The following MYCBP2 variants were observed in gnomAD, a reference collection of about 807,000 sequenced individuals.
MYCBP2 encodes the protein E3 ubiquitin-protein ligase MYCBP2.
Under a neutral mutation model 525.3 loss-of-function variants are expected in MYCBP2, and 120 were observed. The observed-to-expected ratio is 0.23, with a 90% CI of 0.20 to 0.27. The LOEUF is 0.27. Ranked by LOEUF, MYCBP2 falls within the 10% of genes least tolerant of loss-of-function variation. The pLI is 1.00. For synonymous variants in MYCBP2, 1,894 were observed against 1,955.8 expected, an observed-to-expected ratio of 0.97 and a Z score of 0.83; for missense variants, 4,149 against 5,657.1, an observed-to-expected ratio of 0.73 and a Z score of 8.55.
At chr13:77,172,870 C>T (rs755095870) in intron 37 of MYCBP2, among the ~76,000 whole-genome samples, 5 of 152,220 alleles carry the variant, frequency 3.3e-5, no homozygotes, top group African/African-American at 9.7e-5. Context: ...GCCTACAAGT[C>T]GCAGTAGCGT....
chr13:77,184,927 T>C (rs1014633091), intron 32 of MYCBP2, among the ~76,000 whole-genome samples, 176 bp downstream of exon 32: 3 of 152,356 alleles, frequency 2.0e-5, no homozygotes, highest in South Asian at 2.1e-4. Flanking sequence ...AACTAAAAGA[T>C]GATGAAGCAG....
intron 43 of MYCBP2, among the ~76,000 whole-genome samples, chr13:77,162,956 A>C (rs996018800): frequency 6.6e-6 from 1 of 152,178 alleles, no homozygotes; most frequent in African/African-American, 2.4e-5. Context: ...TTTTTGTAAT[A>C]TACAGAGTAA....
chr13:77,294,426 G>A (rs2077955420), intron 2 of MYCBP2, among the ~76,000 whole-genome samples: 1 of 151,772 alleles, frequency 6.6e-6, no homozygotes, highest in Non-Finnish European at 1.5e-5. Flanking sequence ...TTACATCACT[G>A]TTATCTCAAA....
intron 52 of MYCBP2, among the ~76,000 whole-genome samples, chr13:77,130,890 T>C (rs1222797913): frequency 6.6e-6 from 1 of 152,168 alleles, no homozygotes; most frequent in African/African-American, 2.4e-5. Context: ...AAAGAAGCAA[T>C]GTGATGACTG....
Position 77,081,947 on chromosome 13 carries a change from G to C in MYCBP2, c.11083C>G (p.Gln3695Glu). ...FKQSDHQFLHQSNVFHHINNI... is the reference protein window; with the variant it reads ...FKQSDHQFLHESNVFHHINNI... The stretch of plus-strand genomic sequence containing the variant: ...TTAATGTGATGAAAGACGTTGCTCT[G>C]ATGAAGGAACTGGTGATCAGATTGC... Residue 3695 changes from glutamine to glutamate, a missense_variant, in exon 64 of 83, where the codon CAG becomes GAG. Physicochemically the swap from Gln to Glu is conservative, Grantham distance 29. This residue lies in a region of MYCBP2 where 509 missense variants were observed against 789.4 expected (regional missense o/e 0.64). Coordinates refer to ENST00000544440, the MANE Select transcript of MYCBP2 (RefSeq NM_015057.5). This position sits in a 1 kb window ranked among gnomAD's most constrained non-coding sequence, Gnocchi z 4.6. 1 of 1,613,526 alleles carries C rather than the reference G, an allele frequency of 6.2e-7. No homozygotes were observed. Among genetic ancestry groups the C allele is most frequent in the Non-Finnish European group, 8.5e-7 (1 of 1,179,694 alleles).
At chr13:77,312,265 G>A (rs988063101) in intron 1 of MYCBP2, among the ~76,000 whole-genome samples, 1 of 152,132 alleles carries the variant, frequency 6.6e-6, no homozygotes, top group Non-Finnish European at 1.5e-5. Context: ...GAAAGGAAAT[G>A]CTGCATCTTC....
At chr13:77,241,398 T>C (rs1015597435) in intron 17 of MYCBP2, among the ~76,000 whole-genome samples, 1 of 152,190 alleles carries the variant, frequency 6.6e-6, no homozygotes, top group Admixed American at 6.5e-5. Context: ...AGTTTAAATG[T>C]AAGAAATAGC....
chr13:77,203,963 T>C (rs2062962974), intron 26 of MYCBP2, among the ~76,000 whole-genome samples: 1 of 152,020 alleles, frequency 6.6e-6, no homozygotes, highest in African/African-American at 2.4e-5. Context: ...ACCTAGGCAT[T>C]ACCATTCAGG....
At chr13:77,199,767 C>T (rs534740096) in intron 26 of MYCBP2, among the ~76,000 whole-genome samples, 60 of 152,302 alleles carry the variant, frequency 3.9e-4, no homozygotes, top group African/African-American at 1.4e-3. Flanking sequence ...GGGAGGCACC[C>T]CACAGCAGGG....
intron 68 of MYCBP2, among the ~76,000 whole-genome samples, chr13:77,072,445 A>G (rs1296463919): frequency 6.6e-6 from 1 of 152,166 alleles, no homozygotes; most frequent in African/African-American, 2.4e-5. Flanking sequence ...TTAAATACTT[A>G]GATGAGAAAA....
At chr13:77,285,862 AG>A (rs2076687473) in intron 3 of MYCBP2, among the ~76,000 whole-genome samples, 1 of 12,556 alleles carries the variant, frequency 8.0e-5, no homozygotes, top group Admixed American at 1.9e-3. Flanking sequence ...AGGAAGGGAA[AG>A]GAAAGGAAAG....
intron 17 of MYCBP2, among the ~76,000 whole-genome samples, chr13:77,239,075 G>A (rs1256012480): frequency 3.9e-5 from 6 of 152,002 alleles, no homozygotes; most frequent in African/African-American, 1.2e-4. Flanking sequence ...AGCCGAGATC[G>A]CACCACTGCA....
intron 8 of MYCBP2, 126 bp downstream of exon 8, chr13:77,267,715 A>G (rs2074303471): frequency 1.4e-6 from 1 of 724,164 alleles, no homozygotes. Context: ...TTGTATGTCA[A>G]GATTTTTAAA....
intron 65 of MYCBP2, among the ~76,000 whole-genome samples, chr13:77,079,439 G>C (rs531746298): frequency 1.3e-5 from 2 of 152,282 alleles, no homozygotes; most frequent in South Asian, 2.1e-4. Context: ...GTTCAAACTA[G>C]TGTCAAATAT....
At chr13:77,163,869 C>A (rs770618450) in intron 43 of MYCBP2, among the ~76,000 whole-genome samples, 31 of 152,104 alleles carry the variant, frequency 2.0e-4, no homozygotes, top group Non-Finnish European at 4.4e-4. Flanking sequence ...AGGAGCATCC[C>A]CTCTCCTGGT....
intron 26 of MYCBP2, among the ~76,000 whole-genome samples, chr13:77,203,250 AACAG>A (rs1306146634): frequency 3.3e-5 from 5 of 152,016 alleles, no homozygotes; most frequent in Non-Finnish European, 7.4e-5. Context: ...ATACACCAAC[AACAG>A]ACAAACAGAG....
In MYCBP2 at chr13:77,288,394, A is replaced by G. The variant is rs371290441; in HGVS notation, c.379-18T>C. 6.2e-5 allele frequency: 99 copies of G among 1,584,040 alleles called. No homozygotes were observed. The highest frequency in any genetic ancestry group is 8.3e-5 in the Non-Finnish European group (96 of 1,155,116). On this transcript the variant is annotated intron_variant, in intron 2 of 82. Transcript: ENST00000544440. ...TTTTCAGACTGAAATACAAAACAGA[A>G]TATTTCCATTTCACACTCTTTTCTA... is the stretch of plus-strand genomic sequence containing the variant.
intron 15 of MYCBP2, 70 bp downstream of exon 15, chr13:77,251,081 A>T (rs72628063): frequency 0.1 from 145,839 of 1,430,802 alleles, 7,820 homozygotes; most frequent in Admixed American, 0.16. Flanking sequence ...ATAGTAGAGT[A>T]TACTCCGGAA....
In MYCBP2 at chr13:77,243,965, C is replaced by CAAAAAAAAA. The variant is rs35429706; in HGVS notation, c.2382-23_2382-15dup. The CAAAAAAAAA allele has an allele frequency of 8.4e-6, 10 of 1,192,192 alleles. No individual in the cohort carries two copies. Among genetic ancestry groups the CAAAAAAAAA allele is most frequent in the African/African-American group, 3.5e-5 (2 of 57,590 alleles). 73.9% of individuals were successfully genotyped at this position (1,192,192 alleles called of 1,614,324 possible). A position where few individuals can be genotyped will look rare whatever the true frequency, so the allele number is the denominator to read the frequency against. ...CAACCACAGATCCTAGGGGGAAATA[C>CAAAAAAAAA]AAAAAAAAAAAAAAAAGACAACTGA... On this transcript the variant is annotated splice_polypyrimidine_tract_variant and intron_variant, in intron 15 of 82. Transcript: ENST00000544440.
Sources: allele counts gnomAD v4.1 joint callset (sites outside exome capture counted in the v4.1 genomes callset), GRCh38; gene constraint gnomAD v4.1.1; regional missense constraint gnomAD v4.1.1; non-coding constraint Gnocchi (gnomAD v3.1); transcripts MANE v1.5; gene names NCBI Gene and HGNC (gene_info 2026-07-23, HGNC 2026-07-21).